Variants in RANBP2 observed in about 807,000 individuals in gnomAD.
RANBP2 encodes the protein RAN binding protein 2, also known as E3 SUMO-protein ligase RanBP2.
RANBP2 carries 57 observed loss-of-function variants against 303.6 expected under a neutral mutation model. That is an observed-to-expected ratio of 0.19 (90% CI 0.15 to 0.23). The LOEUF is 0.23. Ranked by LOEUF, RANBP2 falls within the 10% of genes least tolerant of loss-of-function variation. The probability of loss-of-function intolerance (pLI) is 1.00; values close to 1 mark genes in which losing one functional copy is unlikely to be tolerated. For missense variants in RANBP2, 3,138 were observed against 3,780.8 expected, an observed-to-expected ratio of 0.83 and a Z score of 4.46; for synonymous variants, 1,167 against 1,301.5, an observed-to-expected ratio of 0.90 and a Z score of 2.23.
intron 7 of RANBP2, among the ~76,000 whole-genome samples, chr2:108,743,168 G>A (rs1039644765): frequency 6.5e-4 from 99 of 152,328 alleles, no homozygotes; most frequent in African/African-American, 2.3e-3. Context: ...CACCCGGGCT[G>A]GAGTGCAGTT....
the RANBP2 span, among the ~76,000 whole-genome samples, chr2:109,394,558 ATGT>A: frequency 1.3e-5 from 2 of 152,150 alleles, no homozygotes; most frequent in African/African-American, 4.8e-5. Context: ...TAAAATATTG[ATGT>A]TATCATTTTG....
At chr2:108,906,227 C>T in the RANBP2 span, 2 of 1,489,098 alleles carry the variant, frequency 1.3e-6, no homozygotes, top group Non-Finnish European at 9.4e-7. Context: ...GTTCCCCTCA[C>T]AGGAGCCTCA....
At chr2:109,608,400 A>G in the RANBP2 span, among the ~76,000 whole-genome samples, 2 of 152,214 alleles carry the variant, frequency 1.3e-5, no homozygotes, top group African/African-American at 4.8e-5. Flanking sequence ...CTATCCCCAT[A>G]AATACAGACC....
At chr2:108,800,638 T>TTTTTTTTTTTTTTTTTTTTTA in the RANBP2 span, among the ~76,000 whole-genome samples, 2 of 73,732 alleles carry the variant, frequency 2.7e-5, 1 homozygote, top group African/African-American at 1.2e-4. Context: ...TTTTTTTTTT[T>TTTTTTTTTTTTTTTTTTTTTA]AATTATACTT....
the RANBP2 span, among the ~76,000 whole-genome samples, chr2:109,019,204 G>A: frequency 6.6e-6 from 1 of 152,216 alleles, no homozygotes; most frequent in East Asian, 1.9e-4. Flanking sequence ...ATTTGAAAAT[G>A]GGAACAGTAC....
chr2:108,908,721 T>C, the RANBP2 span, among the ~76,000 whole-genome samples: 1 of 152,226 alleles, frequency 6.6e-6, no homozygotes, highest in Non-Finnish European at 1.5e-5. Context: ...ATTCCAAGTA[T>C]ATGAAAAACA....
chr2:109,107,127 A>G, the RANBP2 span, among the ~76,000 whole-genome samples: 2 of 151,100 alleles, frequency 1.3e-5, no homozygotes, highest in Non-Finnish European at 2.9e-5. Context: ...TTTAGTGGAG[A>G]TGGGGTTTCA....
the RANBP2 span, among the ~76,000 whole-genome samples, chr2:109,292,943 G>T: frequency 6.6e-6 from 1 of 152,176 alleles, no homozygotes; most frequent in Non-Finnish European, 1.5e-5. Flanking sequence ...TGTTGGTCAG[G>T]CTGGTCTCGA....
At chr2:109,058,521 G>A in the RANBP2 span, among the ~76,000 whole-genome samples, 14 of 152,314 alleles carry the variant, frequency 9.2e-5, no homozygotes, top group Admixed American at 5.9e-4. Context: ...AGCGGCCTGA[G>A]GGATTTGCAC....
At chr2:109,298,118 G>T in the RANBP2 span, among the ~76,000 whole-genome samples, 1 of 152,198 alleles carries the variant, frequency 6.6e-6, no homozygotes, top group Non-Finnish European at 1.5e-5. Context: ...GGATGCAGAG[G>T]TGAATAGGGC....
the RANBP2 span, among the ~76,000 whole-genome samples, chr2:109,280,519 C>T: frequency 2.0e-5 from 3 of 152,164 alleles, no homozygotes; most frequent in Admixed American, 6.5e-5. Flanking sequence ...TCCACTGGGG[C>T]CATGGTCCAA....
chr2:108,742,393 T>C, intron 7 of RANBP2, among the ~76,000 whole-genome samples: 1 of 152,134 alleles, frequency 6.6e-6, no homozygotes, highest in Non-Finnish European at 1.5e-5. Context: ...AACCTGTGCC[T>C]CCTGGGTTCA....
downstream of RANBP2, chr2:108,786,945 G>T (rs752556858): frequency 2.1e-6 from 3 of 1,443,604 alleles, no homozygotes; most frequent in East Asian, 5.8e-5. Context: ...TCCGCGGGTG[G>T]GCTCCTGCTG....
the RANBP2 span, chr2:109,615,537 A>G: frequency 1.9e-6 from 3 of 1,613,942 alleles, no homozygotes; most frequent in Non-Finnish European, 2.5e-6. Context: ...CTTGGCAGCC[A>G]TGCACGGCCA....
chr2:109,662,061 T>C, the RANBP2 span, among the ~76,000 whole-genome samples: 2 of 152,168 alleles, frequency 1.3e-5, no homozygotes, highest in South Asian at 4.1e-4. Context: ...GACCACCCTT[T>C]CCAGACCATG....
chr2:109,321,290 C>T, the RANBP2 span, among the ~76,000 whole-genome samples: 1 of 152,168 alleles, frequency 6.6e-6, no homozygotes, highest in Non-Finnish European at 1.5e-5. Context: ...TATTGTCTTG[C>T]CACTTAATTT....
At chr2:109,371,856 C>T in the RANBP2 span, among the ~76,000 whole-genome samples, 1 of 152,224 alleles carries the variant, frequency 6.6e-6, no homozygotes, top group African/African-American at 2.4e-5. Flanking sequence ...GGGGTCAGTG[C>T]TGTGAGCACT....
At chr2:109,488,241 G>T in the RANBP2 span, among the ~76,000 whole-genome samples, 1 of 152,162 alleles carries the variant, frequency 6.6e-6, no homozygotes. Context: ...GCCATGGGGG[G>T]TTCCCTTGCA....
chr2:109,182,196 A>C, the RANBP2 span, among the ~76,000 whole-genome samples: 1 of 151,110 alleles, frequency 6.6e-6, no homozygotes, highest in Non-Finnish European at 1.5e-5. Context: ...TATTTGACTC[A>C]TGATTTTGAA....
Sources: allele counts gnomAD v4.1 joint callset (sites outside exome capture counted in the v4.1 genomes callset), GRCh38; gene constraint gnomAD v4.1.1; transcripts MANE v1.5; gene names NCBI Gene and HGNC (gene_info 2026-07-23, HGNC 2026-07-21).